Variants in PTPRN2 observed in about 807,000 individuals in gnomAD.
The protein encoded by PTPRN2 is protein tyrosine phosphatase receptor type N2.
PTPRN2 carries 74 observed loss-of-function variants against 118.8 expected under a neutral mutation model. That is an observed-to-expected ratio of 0.62 (90% CI 0.52 to 0.76). PTPRN2 has a LOEUF of 0.76. PTPRN2 is among the 30% of genes least tolerant of loss of function. PTPRN2 has a pLI of 0.00. For missense variants in PTPRN2, 1,481 were observed against 1,394.4 expected (o/e 1.06, Z -0.99); for synonymous variants, 641 against 608.0 (o/e 1.05, Z -0.80).
chr7:157,914,726 C>T (rs1798300598), intron 11 of PTPRN2, among the ~76,000 whole-genome samples: 1 of 152,092 alleles, frequency 6.6e-6, no homozygotes. Context: ...GTTGCCTAAT[C>T]TGCTAAAATG....
chr7:158,450,678 G>A (rs1240868260), intron 2 of PTPRN2, among the ~76,000 whole-genome samples: 1 of 152,126 alleles, frequency 6.6e-6, no homozygotes, highest in Non-Finnish European at 1.5e-5. Flanking sequence ...GAGATGATCC[G>A]AGTCGCCCCG....
At chr7:157,862,137 G>C (rs1312888072) in intron 12 of PTPRN2, among the ~76,000 whole-genome samples, 2 of 152,352 alleles carry the variant, frequency 1.3e-5, no homozygotes, top group African/African-American at 2.4e-5. Context: ...CTGTGTGCTG[G>C]AGTTTGTCCT....
intron 12 of PTPRN2, among the ~76,000 whole-genome samples, chr7:157,842,650 T>A (rs1335578757): frequency 6.6e-6 from 1 of 152,100 alleles, no homozygotes; most frequent in Non-Finnish European, 1.5e-5. Context: ...CCAGACCTTG[T>A]GATTCGCCCA....
At position 157,583,495 on chromosome 7, in the gene PTPRN2, C is replaced by T. The variant is rs144103267; in HGVS notation, c.2497-5355G>A. Among the ~76,000 whole-genome samples, 49 of 152,232 alleles carry T rather than the reference C, an allele frequency of 3.2e-4. No individual in the cohort carries two copies. Among genetic ancestry groups the T allele is most frequent in the African/African-American group, 6.3e-4 (26 of 41,544 alleles). ...CACACACAAAGAAACGGTAACTACG[C>T]GAGGAGACGTGTATTCATTAGCTTG... is the stretch of plus-strand genomic sequence containing the variant. On this transcript the variant is annotated intron_variant, in intron 17 of 22. Transcript: ENST00000389418. This position sits in a 1 kb window ranked among gnomAD's most constrained non-coding sequence, Gnocchi z 5.5.
intron 2 of PTPRN2, among the ~76,000 whole-genome samples, chr7:158,467,527 G>A (rs895017832): frequency 6.6e-6 from 1 of 152,114 alleles, no homozygotes; most frequent in African/African-American, 2.4e-5. Context: ...TTCTTGCCGA[G>A]ACCAATGTCA....
chr7:158,245,405 A>G (rs1227198804), intron 3 of PTPRN2, among the ~76,000 whole-genome samples: 6 of 152,242 alleles, frequency 3.9e-5, no homozygotes. Flanking sequence ...CGGGACTGAG[A>G]GGGGCTGCAC....
chr7:157,740,908 A>G (rs1314155216), intron 12 of PTPRN2, among the ~76,000 whole-genome samples: 3 of 152,218 alleles, frequency 2.0e-5, no homozygotes, highest in Admixed American at 6.5e-5. Flanking sequence ...AGCCTGAGCA[A>G]GGGCCAAAAT....
chr7:157,559,897 G>A (rs886201964), intron 21 of PTPRN2, among the ~76,000 whole-genome samples: 1 of 152,002 alleles, frequency 6.6e-6, no homozygotes, highest in Admixed American at 6.5e-5. Context: ...CAGCTCCCTC[G>A]CTGTGGCCTC....
At chr7:157,555,390 A>G (rs768254869) in intron 21 of PTPRN2, among the ~76,000 whole-genome samples, 4 of 152,240 alleles carry the variant, frequency 2.6e-5, no homozygotes, top group Non-Finnish European at 5.9e-5. Flanking sequence ...GAAGTTAAAG[A>G]AAACCAAGCA....
intron 12 of PTPRN2, among the ~76,000 whole-genome samples, chr7:157,700,887 C>A (rs3864338): frequency 0.082 from 12,437 of 152,222 alleles, 846 homozygotes; most frequent in African/African-American, 0.17. Flanking sequence ...GGGCTCGGGG[C>A]CTTTCATTTG....
In PTPRN2 at chr7:157,546,722, C is replaced by T. The variant is rs146490929; in HGVS notation, c.2976+2224G>A. Among the ~76,000 whole-genome samples, 382 of 152,296 alleles carry T rather than the reference C, an allele frequency of 2.5e-3. 1 individual carries two copies. Among genetic ancestry groups the T allele is most frequent in the African/African-American group, 8.7e-3 (362 of 41,554 alleles). On this transcript the variant is annotated intron_variant, in intron 22 of 22. Transcript: ENST00000389418. ...GTTCCATGTCTTTGCTGCCATCTTGCCATTTAAAAATGGAGTAGAACGGAA... is the reference window on the plus strand; with the variant it reads ...GTTCCATGTCTTTGCTGCCATCTTGTCATTTAAAAATGGAGTAGAACGGAA...
At chr7:158,479,174 C>G (rs1056374274) in intron 2 of PTPRN2, among the ~76,000 whole-genome samples, 2 of 152,020 alleles carry the variant, frequency 1.3e-5, no homozygotes, top group Non-Finnish European at 2.9e-5. Flanking sequence ...CTTCTGAATT[C>G]CAATTTCCTC....
chr7:158,150,370 C>A (rs542948910), intron 6 of PTPRN2, among the ~76,000 whole-genome samples: 1 of 152,320 alleles, frequency 6.6e-6, no homozygotes, highest in East Asian at 1.9e-4. Flanking sequence ...GGGTGTACCC[C>A]AGTCTCCGCC....
intron 3 of PTPRN2, among the ~76,000 whole-genome samples, chr7:158,257,901 C>A (rs576278905): frequency 6.6e-6 from 1 of 152,344 alleles, no homozygotes; most frequent in African/African-American, 2.4e-5. Context: ...CCTGGCTTCG[C>A]GGTGACAGCA....
chr7:157,545,150 TGG>T (rs2116968702), intron 22 of PTPRN2, among the ~76,000 whole-genome samples: 1 of 146,300 alleles, frequency 6.8e-6, no homozygotes, highest in East Asian at 2.1e-4. Context: ...TGCAGGTGTG[TGG>T]GTGTGTGCAG....
intron 21 of PTPRN2, among the ~76,000 whole-genome samples, chr7:157,563,548 C>G: frequency 7.6e-6 from 1 of 131,508 alleles, no homozygotes; most frequent in African/African-American, 3.0e-5. Flanking sequence ...CACGTGCTCC[C>G]ACGTCACCAC....
rs916434235 is a variant in PTPRN2, at chr7:157,784,309, C to T, written c.1789-101372G>A. Reference sequence around the variant, plus strand: ...GCCCCCACCTCTGGGGTCTCAGCATCTGCACAGTGACGGATTAGGGGGGCG... The same window carrying T: ...GCCCCCACCTCTGGGGTCTCAGCATTTGCACAGTGACGGATTAGGGGGGCG... On this transcript the variant is annotated intron_variant, in intron 12 of 22. Transcript: ENST00000389418. The surrounding 1 kb of genome is among the most constrained non-coding windows in gnomAD (Gnocchi z 4.6). Among the ~76,000 whole-genome samples the T allele has an allele frequency of 6.6e-6, 1 of 152,150 alleles. No individual in the cohort carries two copies. Among genetic ancestry groups the T allele is most frequent in the Non-Finnish European group, 1.5e-5 (1 of 68,040 alleles).
rs1029065912 is a variant in PTPRN2 at position 158,039,840 on chromosome 7, A to G, written c.1723+41458T>C. On this transcript the variant is annotated intron_variant, in intron 11 of 22. Transcript: ENST00000389418. ...AATGAATCTCAAATACCCATGATGAATATGAGAAGTGCTCTAGTGAGAAAA... is the reference window on the plus strand; with the variant it reads ...AATGAATCTCAAATACCCATGATGAGTATGAGAAGTGCTCTAGTGAGAAAA... Among the ~76,000 whole-genome samples, 4 of 152,258 alleles carry G rather than the reference A, an allele frequency of 2.6e-5. No individual in the cohort carries two copies. In the South Asian group the frequency reaches 8.3e-4, roughly 32 times the overall value.
intron 3 of PTPRN2, among the ~76,000 whole-genome samples, chr7:158,278,663 C>T (rs62479647): frequency 0.12 from 18,362 of 152,126 alleles, 1,510 homozygotes; most frequent in Non-Finnish European, 0.18. Flanking sequence ...CGGACCCTCG[C>T]GGTGAGTGTT....
Sources: allele counts gnomAD v4.1 joint callset (sites outside exome capture counted in the v4.1 genomes callset), GRCh38; gene constraint gnomAD v4.1.1; non-coding constraint Gnocchi (gnomAD v3.1); transcripts MANE v1.5; gene names NCBI Gene and HGNC (gene_info 2026-07-23, HGNC 2026-07-21).